The following USP9Y variants were observed in gnomAD, a reference collection of about 807,000 sequenced individuals.
USP9Y encodes the protein ubiquitin carboxyl-terminal hydrolase 9Y.
A neutral mutation model predicts 53.1 loss-of-function variants in USP9Y; 41 were observed. The ratio of observed to expected loss-of-function variants is 0.77; its 90% CI spans 0.60 to 1.00. USP9Y has a LOEUF of 1.00. Ranked by LOEUF, USP9Y falls within the 50% of genes least tolerant of loss-of-function variation. The pLI is 0.00. For synonymous variants in USP9Y, 220 were observed against 173.7 expected (o/e 1.27, Z -2.09); for missense variants, 567 against 535.8 (o/e 1.06, Z -0.58).
intron 12 of USP9Y, among the ~76,000 whole-genome samples, chrY:12,749,153 A>G: frequency 3.0e-5 from 1 of 33,214 alleles, no homozygotes; most frequent in African/African-American, 1.2e-4. Flanking sequence ...AACATCCTTC[A>G]TGGAGAATTT....
chrY:12,818,433 C>T lies in USP9Y; in HGVS notation c.4844C>T (p.Pro1615Leu). 2 of 394,077 alleles carry T rather than the reference C, an allele frequency of 5.1e-6. No homozygotes were observed. The highest frequency in any genetic ancestry group is 7.7e-5 in the Admixed American group (1 of 13,028). Reference sequence around the variant, plus strand: ...TTTGGTCTCTAGAGTAATGTTGATCCCCGAGATGATGTATTTGGATATCCT... The same window carrying T: ...TTTGGTCTCTAGAGTAATGTTGATCTCCGAGATGATGTATTTGGATATCCT... Reference protein sequence around the residue: ...EKQDSESNVDPRDDVFGYPHQ... With the variant: ...EKQDSESNVDLRDDVFGYPHQ... The change falls in exon 33 of 46, where the codon CCC becomes CTC. Residue 1615 changes from proline to leucine, a missense_variant. Pro to Leu is a moderately conservative substitution (Grantham distance 98). Coordinates refer to ENST00000338981, the MANE Select transcript of USP9Y (RefSeq NM_004654.4).
intron 27 of USP9Y, chrY:12,802,202 T>C (rs2053519906): frequency 5.8e-5 from 2 of 34,459 alleles, no homozygotes; most frequent in African/African-American, 1.2e-4. Flanking sequence ...CCAAAACGCC[T>C]GAGAGACCAG....
intron 30 of USP9Y, among the ~76,000 whole-genome samples, 180 bp from the exon 31 acceptor site, chrY:12,812,650 C>A (rs2053532105): frequency 3.0e-5 from 1 of 33,471 alleles, no homozygotes; most frequent in East Asian, 7.5e-4. Context: ...AAAATCTAAT[C>A]TGGAAAACTG....
intron 7 of USP9Y, among the ~76,000 whole-genome samples, chrY:12,729,385 T>C (rs926070658): frequency 8.8e-5 from 3 of 34,198 alleles, no homozygotes; most frequent in Non-Finnish European, 7.3e-5. Context: ...CCTTGATCGA[T>C]GGGTCGTTTA....
At chrY:12,725,306 G>A (rs2053441170) in intron 6 of USP9Y, 81 bp downstream of exon 6, 2 of 206,191 alleles carry the variant, frequency 9.7e-6, no homozygotes, top group African/African-American at 8.2e-5. Context: ...ACTTCTGTGC[G>A]TAACATATTA....
chrY:12,815,638 C>T, intron 31 of USP9Y, among the ~76,000 whole-genome samples: 1 of 33,738 alleles, frequency 3.0e-5, no homozygotes, highest in Non-Finnish European at 7.4e-5. Context: ...TCTCTGTCGC[C>T]CAGGCTGGAG....
chrY:12,712,104 G>A, intron 3 of USP9Y, among the ~76,000 whole-genome samples: 1 of 33,548 alleles, frequency 3.0e-5, no homozygotes, highest in South Asian at 6.6e-4. Flanking sequence ...CACTGGGCGG[G>A]TTATCTTGGT....
intron 24 of USP9Y, among the ~76,000 whole-genome samples, chrY:12,788,744 G>A (rs2053504354): frequency 5.9e-5 from 1 of 16,832 alleles, no homozygotes; most frequent in Non-Finnish European, 1.2e-4. Flanking sequence ...TTTTTGAGAC[G>A]GAGTCTCACT....
intron 7 of USP9Y, among the ~76,000 whole-genome samples, chrY:12,728,513 G>A: frequency 3.1e-5 from 1 of 31,912 alleles, no homozygotes; most frequent in Non-Finnish European, 7.6e-5. Context: ...TCTTTATGGG[G>A]GTATTTTTGA....
At chrY:12,828,237 A>G (rs2053548347) in intron 33 of USP9Y, among the ~76,000 whole-genome samples, 1 of 33,123 alleles carries the variant, frequency 3.0e-5, no homozygotes, top group Non-Finnish European at 7.4e-5. Context: ...ACTTTGCTTG[A>G]TAGCAAAATA....
chrY:12,746,484 C>A (rs2053460708), intron 12 of USP9Y, among the ~76,000 whole-genome samples: 1 of 33,065 alleles, frequency 3.0e-5, no homozygotes, highest in Non-Finnish European at 7.5e-5. Flanking sequence ...AAAACAAATA[C>A]CCTTTTTAAT....
chrY:12,721,825 T>C, intron 4 of USP9Y, among the ~76,000 whole-genome samples: 1 of 33,156 alleles, frequency 3.0e-5, no homozygotes, highest in African/African-American at 1.2e-4. Context: ...TTGTATAGGT[T>C]AGTTTTAGTA....
intron 1 of USP9Y, among the ~76,000 whole-genome samples, chrY:12,707,953 T>C: frequency 1.9e-4 from 6 of 31,678 alleles, no homozygotes; most frequent in Admixed American, 1.5e-3. Flanking sequence ...TTACCCAAGA[T>C]GGCCTCGATC....
chrY:12,822,371 C>CT (rs749724686), intron 33 of USP9Y, among the ~76,000 whole-genome samples: 11 of 24,726 alleles, frequency 4.4e-4, no homozygotes, highest in African/African-American at 6.2e-4. Flanking sequence ...GAGGTTTTTT[C>CT]TTTTTTTTTT....
At chrY:12,728,095 A>G (rs2053444333) in intron 7 of USP9Y, among the ~76,000 whole-genome samples, 1 of 33,178 alleles carries the variant, frequency 3.0e-5, no homozygotes, top group Non-Finnish European at 7.4e-5. Flanking sequence ...AATTTTGTCA[A>G]AGCTTTTTCG....
chrY:12,848,528 T>C (rs2053569144), intron 42 of USP9Y, among the ~76,000 whole-genome samples: 1 of 33,706 alleles, frequency 3.0e-5, no homozygotes, highest in South Asian at 6.6e-4. Flanking sequence ...CGTGAAGACC[T>C]TGCCCATCCT....
At chrY:12,729,077 T>G in intron 7 of USP9Y, among the ~76,000 whole-genome samples, 1 of 33,879 alleles carries the variant, frequency 3.0e-5, no homozygotes, top group African/African-American at 1.2e-4. Context: ...ATTTATGTAT[T>G]TTTAGTAGAA....
chrY:12,739,483 T>C, intron 11 of USP9Y, 42 bp from the exon 12 acceptor site: 1 of 294,665 alleles, frequency 3.4e-6, no homozygotes, highest in Non-Finnish European at 5.1e-6. Context: ...TACTATAATT[T>C]TTTTTTTGCT....
intron 1 of USP9Y, among the ~76,000 whole-genome samples, chrY:12,703,504 G>A: frequency 9.1e-5 from 3 of 32,940 alleles, no homozygotes; most frequent in Admixed American, 2.8e-4. Flanking sequence ...TAAAGGTGGC[G>A]GGTCTGGAGT....
Sources: gnomAD v4.1 joint callset for allele counts (sites outside exome capture counted in the v4.1 genomes callset) on GRCh38, gnomAD v4.1.1 for gene constraint, MANE v1.5 for transcripts, NCBI Gene and HGNC (gene_info 2026-07-23, HGNC 2026-07-21) for gene names.